EYS: variants seen among roughly 807,000 people sequenced by gnomAD.
EYS encodes the protein EGF-like photoreceptor maintenance factor, also known as protein eyes shut homolog.
Under a neutral mutation model 282.1 loss-of-function variants are expected in EYS, and 250 were observed. The ratio of observed to expected loss-of-function variants is 0.89; its 90% CI spans 0.80 to 0.98. EYS has a LOEUF of 0.98. Ranked by LOEUF, EYS falls within the 50% of genes least tolerant of loss-of-function variation. The probability of loss-of-function intolerance (pLI) is 0.00; values close to 1 mark genes in which losing one functional copy is unlikely to be tolerated. For missense variants in EYS, 4,016 were observed against 3,709.0 expected (o/e 1.08, Z -2.15); for synonymous variants, 1,355 against 1,282.9 (o/e 1.06, Z -1.20).
chr6:63,751,983 A>G (rs1442909981), intron 41 of EYS, among the ~76,000 whole-genome samples: 1 of 152,204 alleles, frequency 6.6e-6, no homozygotes, highest in Admixed American at 6.5e-5. Context: ...ATAGGCAAAG[A>G]CATCTGGTGA....
intron 33 of EYS, among the ~76,000 whole-genome samples, chr6:64,031,875 G>A (rs972686897): frequency 1.3e-5 from 2 of 152,138 alleles, no homozygotes; most frequent in African/African-American, 2.4e-5. Context: ...TGTGGGTGGG[G>A]CCAGATAAGG....
chr6:65,559,512 A>G (rs527884890), intron 2 of EYS, among the ~76,000 whole-genome samples: 3 of 152,316 alleles, frequency 2.0e-5, no homozygotes, highest in South Asian at 4.1e-4. Context: ...CCCCAAGATT[A>G]GGCTGTAAGG....
At chr6:64,427,809 C>T (rs981155806) in intron 28 of EYS, among the ~76,000 whole-genome samples, 3 of 151,966 alleles carry the variant, frequency 2.0e-5, no homozygotes, top group Non-Finnish European at 4.4e-5. Flanking sequence ...TAAGAAGTAA[C>T]ACAATGAAGT....
chr6:63,862,551 G>T (rs895396029), intron 36 of EYS, among the ~76,000 whole-genome samples: 10 of 152,010 alleles, frequency 6.6e-5, no homozygotes, highest in Admixed American at 1.3e-4. Flanking sequence ...ATCATTTTTT[G>T]TGTATGTGTG....
chr6:65,677,562 A>C (rs1036812570), intron 1 of EYS, among the ~76,000 whole-genome samples: 3 of 152,012 alleles, frequency 2.0e-5, no homozygotes, highest in African/African-American at 7.2e-5. Context: ...AAGGAGACAC[A>C]AATAAATGGA....
At chr6:64,261,696 A>G (rs1438193183) in intron 30 of EYS, among the ~76,000 whole-genome samples, 2 of 151,970 alleles carry the variant, frequency 1.3e-5, no homozygotes, top group East Asian at 1.9e-4. Flanking sequence ...TATGAACTAC[A>G]TTGTTTTGGC....
chr6:64,740,404 A>G (rs1772330441), intron 22 of EYS, among the ~76,000 whole-genome samples: 2 of 152,210 alleles, frequency 1.3e-5, no homozygotes, highest in Admixed American at 1.3e-4. Context: ...TTAAAAGCTT[A>G]TATATTCTAT....
At chr6:65,260,533 C>G (rs1022241817) in intron 12 of EYS, among the ~76,000 whole-genome samples, 4 of 151,994 alleles carry the variant, frequency 2.6e-5, no homozygotes, top group African/African-American at 4.8e-5. Flanking sequence ...CTTTTCTTCT[C>G]TCATTAAAAT....
chr6:65,487,570 C>T (rs1465550781), intron 5 of EYS, among the ~76,000 whole-genome samples: 1 of 152,034 alleles, frequency 6.6e-6, no homozygotes, highest in East Asian at 1.9e-4. Context: ...GCTGGATTCT[C>T]CTTGCCAGTA....
rs1297504924 is a variant in EYS, at chr6:64,139,965, CTCAA to C, written c.6425-57967_6425-57964del. On this transcript the variant is annotated intron_variant, in intron 31 of 42. Coordinates refer to ENST00000503581, the MANE Select transcript of EYS (RefSeq NM_001142800.2). ...CCTGGGTGACAGAGCAAGATTCTGT[CTCAA>C]TAAATAAATAAATAAATAAATAAAT... Among the ~76,000 whole-genome samples, 85 of 132,950 alleles carry C rather than the reference CTCAA, an allele frequency of 6.4e-4. 1 individual carries two copies. In the South Asian group the frequency reaches 8.8e-3, roughly 14 times the overall value. The allele number at this position is 132,950 out of a possible 152,430, so 87.2% of individuals were successfully genotyped here.
At chr6:64,994,277 G>A (rs1317506057) in intron 14 of EYS, among the ~76,000 whole-genome samples, 2 of 152,010 alleles carry the variant, frequency 1.3e-5, no homozygotes, top group Non-Finnish European at 2.9e-5. Flanking sequence ...CTGGCTCATT[G>A]TTACAAATCA....
At chr6:65,635,916 G>A (rs1228901983) in intron 2 of EYS, among the ~76,000 whole-genome samples, 3 of 151,970 alleles carry the variant, frequency 2.0e-5, no homozygotes, top group Admixed American at 6.6e-5. Context: ...CCATTACCTG[G>A]CCACCCCATC....
At chr6:64,321,547 AAAC>A (rs2150384606) in intron 29 of EYS, among the ~76,000 whole-genome samples, 1 of 152,058 alleles carries the variant, frequency 6.6e-6, no homozygotes, top group African/African-American at 2.4e-5. Context: ...ATAAAGGAGA[AAAC>A]AGAAAAATAA....
At chr6:64,511,103 T>C (rs1369313216) in intron 26 of EYS, among the ~76,000 whole-genome samples, 1 of 138,484 alleles carries the variant, frequency 7.2e-6, no homozygotes, top group Non-Finnish European at 1.6e-5. Flanking sequence ...CAAAGATTTC[T>C]TTATAAATAA....
chr6:63,819,363 G>A (rs910242413), intron 36 of EYS, among the ~76,000 whole-genome samples: 3 of 152,108 alleles, frequency 2.0e-5, no homozygotes, highest in African/African-American at 7.2e-5. Flanking sequence ...TACCCTTTTG[G>A]GTGCCAAAAG....
intron 35 of EYS, among the ~76,000 whole-genome samples, chr6:63,910,006 T>G (rs1433701014): frequency 1.3e-5 from 2 of 152,038 alleles, no homozygotes; most frequent in Non-Finnish European, 2.9e-5. Context: ...AAAAGTGCAG[T>G]GAGCCAAGGA....
chr6:64,511,426 G>C (rs916852164), intron 26 of EYS, among the ~76,000 whole-genome samples: 1 of 151,914 alleles, frequency 6.6e-6, no homozygotes, highest in Non-Finnish European at 1.5e-5. Context: ...TTAGGACAAA[G>C]AGCAGTATAC....
At chr6:64,701,155 A>C (rs1050402181) in intron 22 of EYS, among the ~76,000 whole-genome samples, 4 of 152,130 alleles carry the variant, frequency 2.6e-5, no homozygotes, top group African/African-American at 9.6e-5. Flanking sequence ...TGCTGGCCGA[A>C]CTGGATTGCC....
intron 12 of EYS, among the ~76,000 whole-genome samples, chr6:65,116,086 C>G (rs55842420): frequency 4.0e-5 from 6 of 151,856 alleles, no homozygotes; most frequent in African/African-American, 1.2e-4. Context: ...CAACACTAAA[C>G]AGTAACATTT....
Sources: allele counts gnomAD v4.1 joint callset (sites outside exome capture counted in the v4.1 genomes callset), GRCh38; gene constraint gnomAD v4.1.1; transcripts MANE v1.5; gene names NCBI Gene and HGNC (gene_info 2026-07-23, HGNC 2026-07-21).